AK7: variants seen among roughly 807,000 people sequenced by gnomAD.
AK7 encodes the protein adenylate kinase 7, also known as ATP-AMP transphosphorylase 7.
In AK7, 78 loss-of-function variants were observed where a neutral mutation model predicts 96.6. The observed-to-expected ratio is 0.81, with a 90% confidence interval of 0.67 to 0.97. The LOEUF (loss-of-function observed/expected upper bound fraction) is 0.97. Ranked by LOEUF, AK7 falls within the 50% of genes least tolerant of loss-of-function variation. The pLI is 0.00. For synonymous variants in AK7, 302 were observed against 317.2 expected (o/e 0.95, Z 0.51); for missense variants, 855 against 887.9 (o/e 0.96, Z 0.47).
intron 12 of AK7, among the ~76,000 whole-genome samples, chr14:96,464,357 G>A (rs1327842307): frequency 6.6e-6 from 1 of 151,790 alleles, no homozygotes; most frequent in Non-Finnish European, 1.5e-5. Context: ...AGACCAGCCT[G>A]GGCAACATAG....
At chr14:96,421,856 G>T (rs4905490) in intron 5 of AK7, among the ~76,000 whole-genome samples, 128,301 of 152,108 alleles carry the variant, frequency 0.84, 54,310 homozygotes, top group East Asian at 0.96. Flanking sequence ...CCGCCCGCCT[G>T]GAACTCCCAA....
chr14:96,445,497 A>G (rs1595423242), intron 7 of AK7, among the ~76,000 whole-genome samples: 1 of 151,998 alleles, frequency 6.6e-6, no homozygotes, highest in African/African-American at 2.4e-5. Flanking sequence ...CTGTCTCTAC[A>G]AAAAATACAA....
intron 6 of AK7, among the ~76,000 whole-genome samples, chr14:96,438,854 T>C (rs1044666667): frequency 1.3e-5 from 2 of 152,144 alleles, no homozygotes; most frequent in Non-Finnish European, 2.9e-5. Context: ...ATGGTGGGGA[T>C]ACTGGAAACT....
At chr14:96,467,580 T>G (rs1299892447) in intron 12 of AK7, among the ~76,000 whole-genome samples, 2 of 152,146 alleles carry the variant, frequency 1.3e-5, no homozygotes, top group Non-Finnish European at 2.9e-5. Context: ...GCTCAGGCAA[T>G]CCACCCGCCT....
intron 2 of AK7, 78 bp downstream of exon 2, chr14:96,398,341 T>A: frequency 6.7e-7 from 1 of 1,501,316 alleles, no homozygotes; most frequent in South Asian, 1.1e-5. Context: ...CAACTTGTTT[T>A]ACTGTTTGCC....
At position 96,399,391 on chromosome 14, in the gene AK7, T is replaced by C. The variant is rs1890273701; in HGVS notation, c.294+1128T>C. 6.6e-6 allele frequency: 1 copy of C among 152,482 alleles called. No homozygotes were observed. Among genetic ancestry groups the C allele is most frequent in the Admixed American group, 6.5e-5 (1 of 15,276 alleles). 9.4% of individuals were successfully genotyped at this position (152,482 alleles called of 1,614,324 possible). On this transcript the variant is annotated intron_variant, in intron 2 of 17. Coordinates refer to ENST00000267584, the MANE Select transcript of AK7 (RefSeq NM_152327.5). This position sits in a 1 kb window ranked among gnomAD's most constrained non-coding sequence, Gnocchi z 4.1. ...CCATTCACCTCCCTTCTCTCTCTTC[T>C]TGCCACTGGCTTCTTCCTCTATACC...
At chr14:96,486,836 T>G (rs1595473759) in intron 16 of AK7, 62 bp from the exon 17 acceptor site, 2 of 1,475,926 alleles carry the variant, frequency 1.4e-6, no homozygotes, top group East Asian at 4.5e-5. Context: ...TAGGGTGAAC[T>G]GTGTGAGTGT....
chr14:96,432,309 C>CAGCA (rs1031026352), intron 5 of AK7, among the ~76,000 whole-genome samples: 2 of 147,054 alleles, frequency 1.4e-5, no homozygotes, highest in African/African-American at 5.0e-5. Flanking sequence ...CCCCTGAATA[C>CAGCA]AGCACACTGA....
chr14:96,449,886 A>T lies in AK7; in HGVS notation c.948+7A>T. ...CCTAACCAAGGACTTAACGGTTAGT[A>T]TATGCGGTGTTTTTTTTTTTTTAAC... On this transcript the variant is annotated splice_region_variant and intron_variant, in intron 9 of 17. Transcript: ENST00000267584. 6.7e-7 allele frequency: 1 copy of T among 1,492,110 alleles called. No individual in the cohort carries two copies. The highest frequency in any genetic ancestry group is 9.0e-7 in the Non-Finnish European group (1 of 1,116,636). The allele number at this position is 1,492,110 out of a possible 1,614,324, so 92.4% of individuals were successfully genotyped here.
chr14:96,471,353 AAG>A, intron 12 of AK7, 123 bp from the exon 13 acceptor site: 16 of 477,278 alleles, frequency 3.4e-5, no homozygotes, highest in South Asian at 1.7e-4. Flanking sequence ...AAAAAAAAAA[AAG>A]CAAAATAGGG....
intron 5 of AK7, among the ~76,000 whole-genome samples, chr14:96,423,509 AGAGT>A (rs963951758): frequency 6.6e-6 from 1 of 152,344 alleles, no homozygotes. Flanking sequence ...AACATAAAAC[AGAGT>A]GAGTGACTAG....
chr14:96,423,052 A>G (rs1307067831), intron 5 of AK7, among the ~76,000 whole-genome samples: 2 of 152,222 alleles, frequency 1.3e-5, no homozygotes, highest in Admixed American at 6.5e-5. Flanking sequence ...ACACAGATGT[A>G]GGGATTCCTG....
At chr14:96,475,180 A>G (rs1895104924) in intron 14 of AK7, among the ~76,000 whole-genome samples, 1 of 152,232 alleles carries the variant, frequency 6.6e-6, no homozygotes, top group African/African-American at 2.4e-5. Flanking sequence ...CAAACTTTTC[A>G]GAAATTGTCT....
intron 5 of AK7, chr14:96,424,089 G>A: frequency 1.4e-6 from 1 of 689,870 alleles, no homozygotes; most frequent in Non-Finnish European, 2.7e-6. Flanking sequence ...TCACCTGGGT[G>A]GGATCGGGCA....
intron 16 of AK7, 56 bp downstream of exon 16, chr14:96,483,275 C>A: frequency 6.5e-7 from 1 of 1,526,844 alleles, no homozygotes; most frequent in South Asian, 1.2e-5. Context: ...GGTGCGGTGC[C>A]TGGCAAAGCC....
intron 5 of AK7, among the ~76,000 whole-genome samples, chr14:96,434,859 T>C (rs2104801): frequency 0.63 from 96,094 of 151,970 alleles, 30,599 homozygotes; most frequent in African/African-American, 0.7. Context: ...AGGAGCCTCA[T>C]CCAGTAGCCA....
chr14:96,467,046 TAA>T (rs11295444), intron 12 of AK7, among the ~76,000 whole-genome samples: 42 of 137,952 alleles, frequency 3.0e-4, no homozygotes, highest in East Asian at 1.0e-3. Flanking sequence ...GACGAATATG[TAA>T]AAAAAAAAAA....
rs947535976 is a variant in AK7, at chr14:96,399,450, A to C, written c.294+1187A>C. On this transcript the variant is annotated intron_variant, in intron 2 of 17. Coordinates refer to ENST00000267584, the MANE Select transcript of AK7 (RefSeq NM_152327.5). This position sits in a 1 kb window ranked among gnomAD's most constrained non-coding sequence, Gnocchi z 4.1. ...TGCTCAAATCATTCCTGCTGTAAAA[A>C]ACACTTAACTTGGCCTCCCTGCTGG... 1.3e-5 allele frequency among the ~76,000 whole-genome samples: 2 copies of C among 152,104 alleles called. No individual in the cohort carries two copies. Among genetic ancestry groups the C allele is most frequent in the African/African-American group, 4.8e-5 (2 of 41,408 alleles).
chr14:96,411,127 T>C (rs909007784), intron 4 of AK7, among the ~76,000 whole-genome samples: 2 of 152,216 alleles, frequency 1.3e-5, no homozygotes, highest in African/African-American at 4.8e-5. Flanking sequence ...TTCATCACTT[T>C]CCAAAATTCT....
Sources: gnomAD v4.1 joint callset for allele counts (sites outside exome capture counted in the v4.1 genomes callset) on GRCh38, gnomAD v4.1.1 for gene constraint, Gnocchi (gnomAD v3.1) non-coding constraint, MANE v1.5 for transcripts, NCBI Gene and HGNC (gene_info 2026-07-23, HGNC 2026-07-21) for gene names.